The following RSPH4A variants were observed in gnomAD, a reference collection of about 807,000 sequenced individuals.
RSPH4A encodes the protein radial spoke head protein 4 homolog A.
A neutral mutation model predicts 71.0 loss-of-function variants in RSPH4A; 47 were observed. The ratio of observed to expected loss-of-function variants is 0.66; its 90% CI spans 0.52 to 0.84. The LOEUF is 0.84. Ranked by LOEUF, RSPH4A falls within the 40% of genes least tolerant of loss-of-function variation. The pLI, the probability that RSPH4A is intolerant of heterozygous loss-of-function variation, is 0.00. For synonymous variants in RSPH4A, 282 were observed against 302.3 expected (o/e 0.93, Z 0.70); for missense variants, 793 against 855.2 (o/e 0.93, Z 0.91).
Position 116,627,831 on chromosome 6 carries a change from AG to A in RSPH4A, c.1129del (p.Glu377LysfsTer11). The A allele has an allele frequency of 5.0e-6, 8 of 1,614,122 alleles. No homozygotes were observed. The highest frequency in any genetic ancestry group is 6.8e-6 in the Non-Finnish European group (8 of 1,180,010). On this transcript the variant is annotated frameshift_variant, in exon 3 of 6. Coordinates refer to ENST00000229554, the MANE Select transcript of RSPH4A (RefSeq NM_001010892.3). LOFTEE classifies it high-confidence loss of function. ...NYIVAEVEFR[E>X]GEDEEEVEEE... is the part of the protein sequence containing the mutation. ...ATTGTAGCTGAAGTGGAATTTCGTG[AG>A]GGGGAAGATGAAGAGGAAGTGGAAG...
intron 3 of RSPH4A, 133 bp from the exon 4 acceptor site, chr6:116,629,434 G>C (rs376126322): frequency 1.0e-6 from 1 of 974,846 alleles, no homozygotes; most frequent in African/African-American, 1.6e-5. Context: ...CTTGGAAAAT[G>C]TATGTAGAAT....
At position 116,630,518 on chromosome 6, in the gene RSPH4A, CT is replaced by C; in HGVS notation, c.1885del (p.Trp629GlyfsTer18). 6.2e-7 allele frequency: 1 copy of C among 1,605,756 alleles called. No homozygotes were observed. The highest frequency in any genetic ancestry group is 8.5e-7 in the Non-Finnish European group (1 of 1,172,554). ...TGCTATTGCAGTCCTTCAATCCAAC[CT>C]TTGGCCTGGAGCATATGCCTTCTCC... is the stretch of plus-strand genomic sequence containing the variant. Reference protein sequence around the residue: ...QYAIAVLQSNLWPGAYAFSNG... With the variant: ...QYAIAVLQSNXWPGAYAFSNG... On this transcript the variant is annotated frameshift_variant, in exon 5 of 6. Transcript: ENST00000229554. LOFTEE classifies it high-confidence loss of function.
At chr6:116,629,732 GACAC>G (rs1167090670) in intron 4 of RSPH4A, 30 bp downstream of exon 4, 10 of 1,580,430 alleles carry the variant, frequency 6.3e-6, no homozygotes, top group Non-Finnish European at 8.7e-6. Context: ...ATCACACACA[GACAC>G]ACAAACAATA....
At chr6:116,619,498 T>C (rs962129987) in intron 1 of RSPH4A, among the ~76,000 whole-genome samples, 3 of 152,190 alleles carry the variant, frequency 2.0e-5, no homozygotes, top group African/African-American at 7.2e-5. Context: ...ATATAAATCA[T>C]AATTCCTAAG....
At chr6:116,630,985 C>T (rs1775795605) in intron 5 of RSPH4A, among the ~76,000 whole-genome samples, 1 of 151,330 alleles carries the variant, frequency 6.6e-6, no homozygotes, top group African/African-American at 2.4e-5. Flanking sequence ...CCACCATGCC[C>T]AGCTGCTACT....
rs965002787 is a variant in RSPH4A, at chr6:116,628,495, T to G, written c.1662+126T>G. ...TCTATTTAATAGGCAGGAAAAGAGATAATTAAAAACACAGCCAAAAATGCA... is the reference window on the plus strand; with the variant it reads ...TCTATTTAATAGGCAGGAAAAGAGAGAATTAAAAACACAGCCAAAAATGCA... On this transcript the variant is annotated intron_variant, in intron 3 of 5. Transcript: ENST00000229554. 12 of 771,106 alleles carry G rather than the reference T, an allele frequency of 1.6e-5. No individual in the cohort carries two copies. The African/African-American group carries it at 2.1e-4, about 13-fold the overall frequency. The allele number at this position is 771,106 out of a possible 1,614,324, so 47.8% of individuals were successfully genotyped here.
intron 1 of RSPH4A, among the ~76,000 whole-genome samples, chr6:116,621,940 C>T (rs1318187798): frequency 6.6e-6 from 1 of 152,004 alleles, no homozygotes; most frequent in Non-Finnish European, 1.5e-5. Flanking sequence ...CTTTGTAATT[C>T]TGGTATTTGA....
rs1478978346 is a variant in RSPH4A, at chr6:116,623,091, T to G, written c.921+89T>G. 1.5e-5 allele frequency: 13 copies of G among 849,012 alleles called. No individual in the cohort carries two copies. The South Asian group carries it at 1.5e-4, about 10-fold the overall frequency. The allele number at this position is 849,012 out of a possible 1,614,324, so 52.6% of individuals were successfully genotyped here. A position where few individuals can be genotyped will look rare whatever the true frequency, so the allele number is the denominator to read the frequency against. The stretch of plus-strand genomic sequence containing the variant: ...GCTTTAAATTCATACCAACTGTATT[T>G]TATAGCTTGTTTTGTTTTGTTTTGT... On this transcript the variant is annotated intron_variant, in intron 2 of 5. Transcript: ENST00000229554.
At position 116,627,692 on chromosome 6, in the gene RSPH4A, T is replaced by C; in HGVS notation, c.985T>C (p.Leu329=). The C allele has an allele frequency of 5.0e-6, 8 of 1,614,154 alleles. No individual in the cohort carries two copies. The highest frequency in any genetic ancestry group is 6.8e-6 in the Non-Finnish European group (8 of 1,180,032). The change falls in exon 3 of 6, where the codon TTG becomes CTG. Residue 329 remains leucine (L), a synonymous_variant. Transcript: ENST00000229554. The part of the protein sequence containing the change: ...AFYFEQAGVG[L]GTDETYRIFL... ...TTATTTTGAACAAGCTGGAGTTGGT[T>C]TGGGCACAGATGAGACATACCGCAT...
intron 1 of RSPH4A, among the ~76,000 whole-genome samples, chr6:116,618,454 A>C (rs529698145): frequency 6.6e-6 from 1 of 152,312 alleles, no homozygotes; most frequent in East Asian, 1.9e-4. Context: ...GAAGAAATGA[A>C]TGCTTTTTCT....
rs780299380 is a variant in RSPH4A, at chr6:116,616,814, A to G, written c.191A>G (p.Gln64Arg). 1 of 1,614,122 alleles carries G rather than the reference A, an allele frequency of 6.2e-7. No homozygotes were observed. The change falls in exon 1 of 6, where the codon CAG (glutamine) becomes CGG (arginine). Residue 64 changes from glutamine to arginine, a missense_variant. Transcript: ENST00000229554. ...CGAAGCAGCCGTCCTTGGAGCCCGC[A>G]GTCTAGAGCCAAGACGCCTCTGGGT... The part of the protein sequence containing the change: ...QSRSSRPWSP[Q>R]SRAKTPLGGP...
In RSPH4A at chr6:116,632,175, TC is replaced by T. The variant is rs1250129587; in HGVS notation, c.1917-31del. On this transcript the variant is annotated intron_variant, in intron 5 of 5. Transcript: ENST00000229554. ...GTTTTTCTGAGAAATTATATAATGATCTTTTTTTCTTCTTCTTTTTCTTACT... is the reference window on the plus strand; with the variant it reads ...GTTTTTCTGAGAAATTATATAATGATTTTTTTTCTTCTTCTTTTTCTTACT... 8.1e-6 allele frequency: 12 copies of T among 1,489,994 alleles called. No homozygotes were observed. In the Admixed American group the frequency reaches 2.2e-4, roughly 27 times the overall value. The allele number at this position is 1,489,994 out of a possible 1,614,324, so 92.3% of individuals were successfully genotyped here. A position where few individuals can be genotyped will look rare whatever the true frequency, so the allele number is the denominator to read the frequency against.
chr6:116,625,945 C>T (rs1034829082), intron 2 of RSPH4A, among the ~76,000 whole-genome samples: 6 of 152,206 alleles, frequency 3.9e-5, no homozygotes, highest in Non-Finnish European at 5.9e-5. Flanking sequence ...AAACTTTAAA[C>T]AGCCACTTAT....
At chr6:116,623,633 T>C (rs1775649583) in intron 2 of RSPH4A, among the ~76,000 whole-genome samples, 1 of 152,220 alleles carries the variant, frequency 6.6e-6, no homozygotes, top group Non-Finnish European at 1.5e-5. Context: ...TCTGGATGTA[T>C]AGCTATTTTT....
chr6:116,627,237 C>T (rs927082766), intron 2 of RSPH4A, among the ~76,000 whole-genome samples: 1 of 152,190 alleles, frequency 6.6e-6, no homozygotes, highest in African/African-American at 2.4e-5. Context: ...GAGTCTTGCT[C>T]TTTTCCCTAG....
chr6:116,625,447 ATAAG>A (rs1292244467), intron 2 of RSPH4A, among the ~76,000 whole-genome samples: 3 of 152,242 alleles, frequency 2.0e-5, no homozygotes, highest in Non-Finnish European at 4.4e-5. Flanking sequence ...TTGTGCATTG[ATAAG>A]TAACTTCTTT....
At chr6:116,623,244 C>G (rs1775642355) in intron 2 of RSPH4A, among the ~76,000 whole-genome samples, 1 of 152,052 alleles carries the variant, frequency 6.6e-6, no homozygotes. Context: ...TGCCACCATG[C>G]CCAGCTAATT....
In RSPH4A at chr6:116,617,043, TCA is replaced by T; in HGVS notation, c.425_426del (p.Thr142LysfsTer27). 6.2e-7 allele frequency: 1 copy of T among 1,614,144 alleles called. No homozygotes were observed. The highest frequency in any genetic ancestry group is 8.5e-7 in the Non-Finnish European group (1 of 1,180,032). ...SSDKRESTPH[H>X]TSQSEGNTFQ... Reference sequence around the variant, plus strand: ...CTGATAAAAGAGAATCAACTCCTCATCACACAAGCCAGTCAGAAGGAAACACC... The same window carrying T: ...CTGATAAAAGAGAATCAACTCCTCATCACAAGCCAGTCAGAAGGAAACACC... On this transcript the variant is annotated frameshift_variant, in exon 1 of 6. Coordinates refer to ENST00000229554, the MANE Select transcript of RSPH4A (RefSeq NM_001010892.3). LOFTEE classifies it high-confidence loss of function.
In RSPH4A at chr6:116,617,065, A is replaced by T. The variant is rs1775519290; in HGVS notation, c.442A>T (p.Asn148Tyr). 1 of 1,614,090 alleles carries T rather than the reference A, an allele frequency of 6.2e-7. No individual in the cohort carries two copies. The highest frequency in any genetic ancestry group is 1.3e-5 in the African/African-American group (1 of 74,918). Residue 148 changes from asparagine to tyrosine, a missense_variant, in exon 1 of 6, where the codon AAC becomes TAC. Transcript: ENST00000229554. Reference sequence around the variant, plus strand: ...TCATCACACAAGCCAGTCAGAAGGAAACACCTTTCAACAGTCTCAGCAACC... The same window carrying T: ...TCATCACACAAGCCAGTCAGAAGGATACACCTTTCAACAGTCTCAGCAACC... ...TPHHTSQSEG[N>Y]TFQQSQQPKP...
Sources: allele counts gnomAD v4.1 joint callset (sites outside exome capture counted in the v4.1 genomes callset), GRCh38; gene constraint gnomAD v4.1.1; transcripts MANE v1.5; gene names NCBI Gene and HGNC (gene_info 2026-07-23, HGNC 2026-07-21).